DLC1: variants seen among roughly 807,000 people sequenced by gnomAD.
DLC1 encodes the protein rho GTPase-activating protein 7.
Under a neutral mutation model 140.3 loss-of-function variants are expected in DLC1, and 54 were observed. The observed-to-expected ratio is 0.38, with a 90% CI of 0.31 to 0.48. The LOEUF (loss-of-function observed/expected upper bound fraction) is 0.48, where lower values mean the gene tolerates loss of function less well. Among genes scored for constraint, DLC1 ranks in the 20% least tolerant of loss-of-function variants. The probability of loss-of-function intolerance (pLI) is 0.96; values close to 1 mark genes in which losing one functional copy is unlikely to be tolerated. For missense variants in DLC1, 2,536 were observed against 1,907.0 expected, an observed-to-expected ratio of 1.33 and a Z score of -6.14; for synonymous variants, 986 against 728.1, an observed-to-expected ratio of 1.35 and a Z score of -5.70.
chr8:13,464,508 A>G (rs1799830901), intron 2 of DLC1, among the ~76,000 whole-genome samples: 1 of 151,404 alleles, frequency 6.6e-6, no homozygotes, highest in Admixed American at 6.6e-5. Context: ...CTTTTAATAC[A>G]TCAGTTGATA....
intron 2 of DLC1, among the ~76,000 whole-genome samples, chr8:13,441,040 C>A (rs1299197031): frequency 2.6e-5 from 4 of 152,100 alleles, no homozygotes; most frequent in African/African-American, 7.2e-5. Context: ...CCAAACAGTT[C>A]AAATTTGTAA....
In DLC1 at chr8:13,499,718, A is replaced by T; in HGVS notation, c.354T>A (p.Asp118Glu). The change falls in exon 2 of 18, where the codon GAT (aspartate) becomes GAA (glutamate). Residue 118 changes from aspartate to glutamate, a missense_variant. Transcript: ENST00000276297. ...VHVSDEDNNA[D>E]LCLTDDKQVL... is the part of the protein sequence containing the mutation. ...CCTGTTTATCATCTGTAAGGCATAA[A>T]TCAGCATTGTTATCCTCATCAGAAA... The T allele has an allele frequency of 4.3e-6, 7 of 1,614,156 alleles. No homozygotes were observed. Among genetic ancestry groups the T allele is most frequent in the Non-Finnish European group, 5.9e-6 (7 of 1,180,020 alleles).
intron 1 of DLC1, among the ~76,000 whole-genome samples, chr8:13,507,356 C>T (rs537089190): frequency 1.4e-4 from 22 of 152,172 alleles, no homozygotes; most frequent in African/African-American, 3.9e-4. Context: ...TAGCAAAAAC[C>T]GTAAGAGCAC....
chr8:13,096,163 G>C (rs1221426234), intron 10 of DLC1: 1 of 152,226 alleles, frequency 6.6e-6, no homozygotes, highest in Admixed American at 6.5e-5. Flanking sequence ...ATTCCTCCCT[G>C]CTCCACAGAT....
intron 5 of DLC1, among the ~76,000 whole-genome samples, chr8:13,178,970 T>A (rs759736182): frequency 8.5e-5 from 13 of 152,230 alleles, no homozygotes; most frequent in African/African-American, 1.4e-4. Flanking sequence ...AGACATGTAT[T>A]GAAATGCTCA....
intron 5 of DLC1, among the ~76,000 whole-genome samples, chr8:13,192,999 A>C (rs1299028390): frequency 1.3e-5 from 2 of 152,156 alleles, no homozygotes; most frequent in East Asian, 3.9e-4. Flanking sequence ...CCTCTTGATG[A>C]ATCTTCCTCT....
chr8:13,211,225 A>T (rs1827925470), intron 5 of DLC1, among the ~76,000 whole-genome samples: 1 of 152,188 alleles, frequency 6.6e-6, no homozygotes, highest in Admixed American at 6.5e-5. Flanking sequence ...TGTGAATAAT[A>T]CGCTTCTTAC....
intron 5 of DLC1, among the ~76,000 whole-genome samples, chr8:13,296,316 C>T (rs1224688263): frequency 6.6e-6 from 1 of 151,886 alleles, no homozygotes; most frequent in East Asian, 1.9e-4. Context: ...TACAAAAGGG[C>T]CCTTTCATAA....
In DLC1 at chr8:13,170,468, C is replaced by T. The variant is rs181995210; in HGVS notation, c.1349-54811G>A. Among the ~76,000 whole-genome samples the T allele has an allele frequency of 4.6e-5, 7 of 152,224 alleles. No homozygotes were observed. The East Asian group carries it at 5.8e-4, about 13-fold the overall frequency. On this transcript the variant is annotated intron_variant, in intron 5 of 17. Coordinates refer to ENST00000276297, the MANE Select transcript of DLC1 (RefSeq NM_182643.3). ...TTTCCGGGCCGGGCGCGGTGGCTCA[C>T]GCCTGTAATCCCAGCACTTTGCGGG...
At chr8:13,132,663 G>C (rs954803720) in intron 5 of DLC1, among the ~76,000 whole-genome samples, 29 of 152,140 alleles carry the variant, frequency 1.9e-4, no homozygotes, top group African/African-American at 6.0e-4. Context: ...TTCCCTTCAC[G>C]GGTTGCGACC....
chr8:13,513,884 G>T (rs567160605), intron 1 of DLC1, among the ~76,000 whole-genome samples: 3 of 152,246 alleles, frequency 2.0e-5, no homozygotes, highest in Admixed American at 6.5e-5. Context: ...ATTGACTTCA[G>T]TTATTCAAAA....
chr8:13,500,618 A>G (rs1409124824), intron 1 of DLC1, among the ~76,000 whole-genome samples: 1 of 152,216 alleles, frequency 6.6e-6, no homozygotes, highest in Non-Finnish European at 1.5e-5. Flanking sequence ...GGTTTGAATC[A>G]CAGCGAAAGC....
chr8:13,269,658 G>T (rs1048846250), intron 5 of DLC1, among the ~76,000 whole-genome samples: 1 of 129,296 alleles, frequency 7.7e-6, no homozygotes, highest in Non-Finnish European at 1.6e-5. Context: ...GAGCTATGAT[G>T]ATACTACTGC....
intron 2 of DLC1, among the ~76,000 whole-genome samples, chr8:13,472,248 G>C (rs1414804829): frequency 6.6e-6 from 1 of 152,094 alleles, no homozygotes; most frequent in Non-Finnish European, 1.5e-5. Context: ...CCTTCCAGAA[G>C]AAAAGATTGC....
intron 1 of DLC1, among the ~76,000 whole-genome samples, chr8:13,587,899 C>A (rs192171730): frequency 5.9e-5 from 9 of 151,944 alleles, no homozygotes; most frequent in African/African-American, 2.2e-4. Context: ...CCCCTCATGG[C>A]AGTATGATTT....
At chr8:13,098,196 C>T (rs1440410792) in intron 10 of DLC1, among the ~76,000 whole-genome samples, 1 of 152,078 alleles carries the variant, frequency 6.6e-6, no homozygotes, top group Non-Finnish European at 1.5e-5. Flanking sequence ...CTGCACCGCA[C>T]TCCAGCCTAC....
rs1488478774 is a variant in DLC1 at position 13,085,181 on chromosome 8, A to G, written c.*630T>C. The G allele has an allele frequency of 6.6e-6, 1 of 152,430 alleles. No individual in the cohort carries two copies. Among genetic ancestry groups the G allele is most frequent in the Non-Finnish European group, 1.5e-5 (1 of 68,052 alleles). 9.4% of individuals were successfully genotyped at this position (152,430 alleles called of 1,614,324 possible). On this transcript the variant is annotated 3_prime_UTR_variant, in exon 18 of 18. Coordinates refer to ENST00000276297, the MANE Select transcript of DLC1 (RefSeq NM_182643.3). ...AATAACTTCGAAAAAAAATACCCAT[A>G]AATGGACAAGGGTGTTGGGCCCCCT... is the stretch of plus-strand genomic sequence containing the variant.
chr8:13,410,606 T>C (rs1837740928), intron 2 of DLC1, among the ~76,000 whole-genome samples: 1 of 149,554 alleles, frequency 6.7e-6, no homozygotes. Flanking sequence ...AAAAAGACTA[T>C]AAAATACCTA....
At chr8:13,596,053 T>C (rs1805670162) in intron 1 of DLC1, among the ~76,000 whole-genome samples, 1 of 152,068 alleles carries the variant, frequency 6.6e-6, no homozygotes, top group Non-Finnish European at 1.5e-5. Context: ...TTTCTATGAA[T>C]TAAATAAGTT....
Sources: gnomAD v4.1 joint callset for allele counts (sites outside exome capture counted in the v4.1 genomes callset) on GRCh38, gnomAD v4.1.1 for gene constraint, MANE v1.5 for transcripts, NCBI Gene and HGNC (gene_info 2026-07-23, HGNC 2026-07-21) for gene names.